The following MSL2 variants were observed in gnomAD, a reference collection of about 807,000 sequenced individuals.
The protein encoded by MSL2 is MSL complex subunit 2.
Under a neutral mutation model 35.8 loss-of-function variants are expected in MSL2, and 2 were observed. The ratio of observed to expected loss-of-function variants is 0.06; its 90% CI spans 0.02 to 0.18. The LOEUF (loss-of-function observed/expected upper bound fraction) is 0.18, where lower values mean the gene tolerates loss of function less well. MSL2 is among the 10% of genes least tolerant of loss of function. The pLI is 1.00. For synonymous variants in MSL2, 296 were observed against 255.7 expected (o/e 1.16, Z -1.50); for missense variants, 523 against 706.7 (o/e 0.74, Z 2.95).
intron 1 of MSL2, among the ~76,000 whole-genome samples, chr3:136,159,489 G>A (rs573243275): frequency 8.9e-5 from 13 of 145,940 alleles, no homozygotes; most frequent in Admixed American, 2.1e-4. Context: ...TCAGCCTCCC[G>A]AGTAGCTGGG....
intron 1 of MSL2, among the ~76,000 whole-genome samples, chr3:136,182,715 C>CAAA: frequency 9.7e-6 from 1 of 102,892 alleles, no homozygotes; most frequent in East Asian, 2.8e-4. Context: ...GACTCCGTCT[C>CAAA]AAAAAAAAAA....
At chr3:136,181,645 G>A (rs566757126) in intron 1 of MSL2, among the ~76,000 whole-genome samples, 9 of 152,196 alleles carry the variant, frequency 5.9e-5, no homozygotes, top group African/African-American at 1.9e-4. Flanking sequence ...TTGGCCGGGC[G>A]CGGTGGTTCA....
intron 1 of MSL2, among the ~76,000 whole-genome samples, chr3:136,189,125 A>G (rs1940608904): frequency 1.4e-5 from 2 of 140,650 alleles, no homozygotes; most frequent in Non-Finnish European, 3.0e-5. Context: ...AAAAAAAAAA[A>G]AAAAAAAAAA....
intron 1 of MSL2, among the ~76,000 whole-genome samples, chr3:136,193,967 T>C (rs1940762239): frequency 6.6e-6 from 1 of 152,218 alleles, no homozygotes; most frequent in Admixed American, 6.5e-5. Flanking sequence ...TATTTCTCCC[T>C]TCAGCCACAA....
intron 1 of MSL2, among the ~76,000 whole-genome samples, chr3:136,187,423 G>C (rs558340257): frequency 1.3e-4 from 20 of 152,226 alleles, no homozygotes; most frequent in African/African-American, 4.6e-4. Flanking sequence ...AGCACTTTGG[G>C]AGGTCGAGGT....
chr3:136,170,141 CGACCAGCCT>C (rs1939980297), intron 1 of MSL2, among the ~76,000 whole-genome samples: 1 of 149,068 alleles, frequency 6.7e-6, no homozygotes, highest in South Asian at 2.1e-4. Context: ...CAGGGGTTCA[CGACCAGCCT>C]GGCCAACATG....
In MSL2 at chr3:136,195,471, T is replaced by TC. The variant is rs1412056861; in HGVS notation, c.-359dup. On this transcript the variant is annotated 5_prime_UTR_variant, in exon 1 of 2. It removes the in-frame stop codon of an upstream open reading frame in the 5' UTR. Transcript: ENST00000309993. ...CTCGGCAGGCGGCCTGCACTCGAGC[T>TC]CCATCTCCGGACACGGAGGCGCCTC... The TC allele has an allele frequency of 2.0e-5, 21 of 1,024,586 alleles. No individual in the cohort carries two copies. Among genetic ancestry groups the TC allele is most frequent in the Non-Finnish European group, 2.5e-5 (21 of 855,038 alleles). 63.5% of individuals were successfully genotyped at this position (1,024,586 alleles called of 1,614,324 possible).
At position 136,180,763 on chromosome 3, in the gene MSL2, AGGGAGGGAGG is replaced by A. The variant is rs1559969128; in HGVS notation, c.142+14199_142+14208del. ...GAGGAGAGGAGGGAAGGAGGGAAGG[AGGGAGGGAGG>A]GAGGGAGGGAGGGAGGGAGGGAGGG... On this transcript the variant is annotated intron_variant, in intron 1 of 1. Coordinates refer to ENST00000309993, the MANE Select transcript of MSL2 (RefSeq NM_018133.4). Among the ~76,000 whole-genome samples the A allele has an allele frequency of 3.7e-3, 107 of 28,846 alleles. 2 individuals are homozygous for A. Among genetic ancestry groups the A allele is most frequent in the African/African-American group, 0.012 (105 of 8,626 alleles). 18.9% of individuals were successfully genotyped at this position (28,846 alleles called of 152,430 possible).
At position 136,150,849 on chromosome 3, in the gene MSL2, T is replaced by C. The variant is rs1939339342; in HGVS notation, c.*298A>G. ...TTTGATTATGCACAAAGCATGGCCA[T>C]AAACAATGAGGTTAATGTTATTTTT... On this transcript the variant is annotated 3_prime_UTR_variant, in exon 2 of 2. Transcript: ENST00000309993. The C allele has an allele frequency of 1.3e-5, 4 of 310,148 alleles. No homozygotes were observed. Among genetic ancestry groups the C allele is most frequent in the Non-Finnish European group, 1.8e-5 (3 of 164,362 alleles). 19.2% of individuals were successfully genotyped at this position (310,148 alleles called of 1,614,324 possible). A position where few individuals can be genotyped will look rare whatever the true frequency, so the allele number is the denominator to read the frequency against.
intron 1 of MSL2, chr3:136,194,503 T>C (rs745620539): frequency 6.2e-4 from 602 of 972,304 alleles, no homozygotes; most frequent in South Asian, 1.6e-3. Context: ...CGCCGGGTTC[T>C]CCAGCTGTGG....
chr3:136,155,564 C>A, intron 1 of MSL2: 1 of 271,648 alleles, frequency 3.7e-6, no homozygotes, highest in Non-Finnish European at 7.7e-6. Context: ...CTCAGGGAGA[C>A]CTGGCCTTCA....
At chr3:136,183,680 T>C (rs1394547614) in intron 1 of MSL2, among the ~76,000 whole-genome samples, 1 of 152,180 alleles carries the variant, frequency 6.6e-6, no homozygotes, top group African/African-American at 2.4e-5. Context: ...TTAACTATAT[T>C]CCATAAGTTC....
chr3:136,192,431 G>A (rs892584535), intron 1 of MSL2, among the ~76,000 whole-genome samples: 1 of 152,030 alleles, frequency 6.6e-6, no homozygotes, highest in Non-Finnish European at 1.5e-5. Context: ...CGCCCACCTT[G>A]GCCTCCCAAA....
chr3:136,193,716 T>G (rs1458087659), intron 1 of MSL2, among the ~76,000 whole-genome samples: 1 of 152,170 alleles, frequency 6.6e-6, no homozygotes, highest in African/African-American at 2.4e-5. Context: ...ATTATCATTT[T>G]ACACATCAAG....
At position 136,195,639 on chromosome 3, in the gene MSL2, C is replaced by A. The variant is rs1940820151; in HGVS notation, c.-526G>T. Reference sequence around the variant, plus strand: ...GACGGCAAGGACGACGGTCGGGCAGCGGCTTCCCGGATCTAGTGCAAGACG... The same window carrying A: ...GACGGCAAGGACGACGGTCGGGCAGAGGCTTCCCGGATCTAGTGCAAGACG... On this transcript the variant is annotated 5_prime_UTR_variant, in exon 1 of 2. Transcript: ENST00000309993. 2.0e-6 allele frequency: 2 copies of A among 980,196 alleles called. No individual in the cohort carries two copies. The highest frequency in any genetic ancestry group is 3.5e-5 in the African/African-American group (2 of 57,216). 60.7% of individuals were successfully genotyped at this position (980,196 alleles called of 1,614,324 possible).
intron 1 of MSL2, among the ~76,000 whole-genome samples, chr3:136,166,765 T>C (rs1023453403): frequency 5.3e-5 from 8 of 152,216 alleles, no homozygotes; most frequent in Non-Finnish European, 1.2e-4. Context: ...TGAGCACTCC[T>C]CCTTAGCACA....
rs1446576053 is a variant in MSL2, at chr3:136,151,081, G to A, written c.*66C>T. The A allele has an allele frequency of 6.5e-6, 10 of 1,544,626 alleles. No homozygotes were observed. The highest frequency in any genetic ancestry group is 8.8e-6 in the Non-Finnish European group (10 of 1,134,924). Reference sequence around the variant, plus strand: ...GGAGCTCCGGCAAGTTAAACCAACAGAACCATAGCTGCCGTAAAACTGTAG... The same window carrying A: ...GGAGCTCCGGCAAGTTAAACCAACAAAACCATAGCTGCCGTAAAACTGTAG... On this transcript the variant is annotated 3_prime_UTR_variant, in exon 2 of 2. Coordinates refer to ENST00000309993, the MANE Select transcript of MSL2 (RefSeq NM_018133.4). This position sits in a 1 kb window ranked among gnomAD's most constrained non-coding sequence, Gnocchi z 5.2.
chr3:136,161,190 T>A (rs1939699306), intron 1 of MSL2, among the ~76,000 whole-genome samples: 1 of 152,168 alleles, frequency 6.6e-6, no homozygotes, highest in Non-Finnish European at 1.5e-5. Context: ...TTAGAATGGC[T>A]AAATTCAAAA....
intron 1 of MSL2, among the ~76,000 whole-genome samples, chr3:136,167,969 G>A (rs1207849719): frequency 6.6e-6 from 1 of 151,922 alleles, no homozygotes; most frequent in African/African-American, 2.4e-5. Context: ...TGAAACAAGA[G>A]ATATCTACAC....
Sources: allele counts gnomAD v4.1 joint callset (sites outside exome capture counted in the v4.1 genomes callset), GRCh38; gene constraint gnomAD v4.1.1; non-coding constraint Gnocchi (gnomAD v3.1); transcripts MANE v1.5; gene names NCBI Gene and HGNC (gene_info 2026-07-23, HGNC 2026-07-21).